RBFOX1: variants seen among roughly 807,000 people sequenced by gnomAD.
RBFOX1 encodes the protein RNA binding protein fox-1 homolog 1.
In RBFOX1, 8 loss-of-function variants were observed where a neutral mutation model predicts 57.7. The ratio of observed to expected loss-of-function variants is 0.14; its 90% confidence interval spans 0.08 to 0.25. The LOEUF (loss-of-function observed/expected upper bound fraction) is 0.25. Ranked by LOEUF, RBFOX1 falls within the 10% of genes least tolerant of loss-of-function variation. The pLI, the probability that RBFOX1 is intolerant of heterozygous loss-of-function variation, is 1.00. For synonymous variants in RBFOX1, 326 were observed against 222.4 expected, an observed-to-expected ratio of 1.47 and a Z score of -4.15; for missense variants, 611 against 548.5, an observed-to-expected ratio of 1.11 and a Z score of -1.14.
chr16:6,698,676 T>C (rs2061403003), intron 3 of RBFOX1, among the ~76,000 whole-genome samples: 1 of 152,148 alleles, frequency 6.6e-6, no homozygotes, highest in African/African-American at 2.4e-5. Flanking sequence ...TAGAATCACA[T>C]TATTCTATGC....
intron 14 of RBFOX1, among the ~76,000 whole-genome samples, chr16:7,691,570 T>A (rs1267538618): frequency 6.6e-6 from 1 of 152,102 alleles, no homozygotes; most frequent in African/African-American, 2.4e-5. Flanking sequence ...TACTATAAAA[T>A]TCTGAAACAA....
intron 4 of RBFOX1, among the ~76,000 whole-genome samples, chr16:7,301,781 G>C (rs184171821): frequency 8.5e-5 from 13 of 152,278 alleles, no homozygotes; most frequent in African/African-American, 3.1e-4. Flanking sequence ...GAACCCGTCC[G>C]TACAGCAGAT....
At position 5,448,445 on chromosome 16, in the gene RBFOX1, C is replaced by G. The variant is rs538701418; in HGVS notation, c.220-18771C>G. On this transcript the variant is annotated intron_variant, in intron 1 of 2. Coordinates refer to the RBFOX1 transcript ENST00000585867. ...TAATGAACAGCTGGGAAATAACTAT[C>G]TCTCCTATGTGGGCTGTTAAACAGA... Among the ~76,000 whole-genome samples the G allele has an allele frequency of 3.3e-5, 5 of 152,310 alleles. No individual in the cohort carries two copies. The South Asian group carries it at 1.0e-3, about 32-fold the overall frequency.
rs186590112 is a variant in RBFOX1 at position 6,414,954 on chromosome 16, T to G, written c.-64+97897T>G. Among the ~76,000 whole-genome samples, 375 of 151,888 alleles carry G rather than the reference T, an allele frequency of 2.5e-3. 1 individual carries two copies. Among genetic ancestry groups the G allele is most frequent in the African/African-American group, 8.0e-3 (331 of 41,438 alleles). On this transcript the variant is annotated intron_variant, in intron 2 of 15. Coordinates refer to ENST00000550418, the MANE Select transcript of RBFOX1 (RefSeq NM_018723.4). ...CGGTCCCAATATCAATACTGTTGAG[T>G]CTTACTGGCCAGGCACGGTGGCTCA... is the stretch of plus-strand genomic sequence containing the variant.
chr16:6,850,500 A>G (rs1056533402), intron 3 of RBFOX1, among the ~76,000 whole-genome samples: 2 of 152,098 alleles, frequency 1.3e-5, no homozygotes, highest in African/African-American at 4.8e-5. Flanking sequence ...GTACAATAAG[A>G]GAAGAGATGG....
At chr16:5,485,385 A>G (rs1276503013) in intron 2 of RBFOX1, among the ~76,000 whole-genome samples, 1 of 149,834 alleles carries the variant, frequency 6.7e-6, no homozygotes, top group East Asian at 2.0e-4. Context: ...AAGTTCAGCT[A>G]TTACTCAACG....
At chr16:6,383,769 T>TG (rs2092026682) in intron 2 of RBFOX1, among the ~76,000 whole-genome samples, 1 of 149,874 alleles carries the variant, frequency 6.7e-6, no homozygotes, top group Non-Finnish European at 1.5e-5. Context: ...GAATTTATCT[T>TG]GGAAAAAAAA....
intron 3 of RBFOX1, among the ~76,000 whole-genome samples, chr16:5,745,872 C>A (rs994100715): frequency 6.6e-6 from 1 of 152,064 alleles, no homozygotes; most frequent in Non-Finnish European, 1.5e-5. Flanking sequence ...CAAAAATTTT[C>A]TCCCATTCTG....
At chr16:6,916,002 T>C (rs1468054074) in intron 3 of RBFOX1, among the ~76,000 whole-genome samples, 5 of 141,938 alleles carry the variant, frequency 3.5e-5, no homozygotes, top group African/African-American at 1.2e-4. Flanking sequence ...GCTGTTTTAC[T>C]GGGAAAACTT....
At chr16:7,084,509 T>A (rs1405330996) in intron 4 of RBFOX1, among the ~76,000 whole-genome samples, 16 of 152,152 alleles carry the variant, frequency 1.1e-4, no homozygotes, top group African/African-American at 3.6e-4. Context: ...AGGCCACTTG[T>A]GAGAAATAGT....
At chr16:7,483,176 T>C (rs2064459374) in intron 4 of RBFOX1, among the ~76,000 whole-genome samples, 1 of 152,208 alleles carries the variant, frequency 6.6e-6, no homozygotes, top group Non-Finnish European at 1.5e-5. Flanking sequence ...GTGCAGAATA[T>C]TTATTAACCA....
chr16:5,255,279 C>G (rs1036936797), intron 1 of RBFOX1, among the ~76,000 whole-genome samples: 1 of 151,644 alleles, frequency 6.6e-6, no homozygotes, highest in Non-Finnish European at 1.5e-5. Flanking sequence ...GATAAATGCT[C>G]AAGTCCACCT....
chr16:7,500,525 C>T (rs1249291560), intron 4 of RBFOX1, among the ~76,000 whole-genome samples: 1 of 152,134 alleles, frequency 6.6e-6, no homozygotes, highest in African/African-American at 2.4e-5. Context: ...TGCATCTAAG[C>T]CTATTGTTGT....
chr16:5,761,084 G>C (rs1464293619), intron 3 of RBFOX1, among the ~76,000 whole-genome samples: 1 of 152,248 alleles, frequency 6.6e-6, no homozygotes. Flanking sequence ...TTGGTAAACA[G>C]TGAATGCTAA....
chr16:6,794,725 T>C (rs1345921115), intron 3 of RBFOX1, among the ~76,000 whole-genome samples: 2 of 152,186 alleles, frequency 1.3e-5, no homozygotes, highest in East Asian at 1.9e-4. Context: ...TAATAGCAGC[T>C]TGGATCCAGT....
At chr16:6,114,866 AG>A (rs1202008640) in intron 1 of RBFOX1, among the ~76,000 whole-genome samples, 8 of 152,156 alleles carry the variant, frequency 5.3e-5, no homozygotes, top group African/African-American at 1.7e-4. Context: ...CTTGCAGAGG[AG>A]GGCTAACTCA....
intron 4 of RBFOX1, among the ~76,000 whole-genome samples, chr16:5,969,298 CTTTTTTTTTTTTTTT>C (rs71142659): frequency 3.0e-4 from 25 of 83,756 alleles, no homozygotes; most frequent in East Asian, 8.7e-4. Context: ...TTCGGTTGTT[CTTTTTTTTTTTTTTT>C]TTTTTTTTTT....
chr16:7,182,679 C>A (rs933599543), intron 4 of RBFOX1, among the ~76,000 whole-genome samples: 1 of 151,058 alleles, frequency 6.6e-6, no homozygotes, highest in South Asian at 2.1e-4. Context: ...GCAGGAAGTA[C>A]GATGAAGCAA....
At chr16:6,055,166 G>T (rs1334707023) in intron 1 of RBFOX1, among the ~76,000 whole-genome samples, 2 of 152,080 alleles carry the variant, frequency 1.3e-5, no homozygotes, top group Admixed American at 1.3e-4. Context: ...TTTGGAATGA[G>T]TAAAGGCTTT....
Sources: allele counts gnomAD v4.1 joint callset (sites outside exome capture counted in the v4.1 genomes callset), GRCh38; gene constraint gnomAD v4.1.1; transcripts MANE v1.5; gene names NCBI Gene and HGNC (gene_info 2026-07-23, HGNC 2026-07-21).